Variants in CNTNAP4 observed in about 807,000 individuals in gnomAD.
CNTNAP4 encodes the protein contactin associated protein family member 4.
Under a neutral mutation model 148.4 loss-of-function variants are expected in CNTNAP4, and 98 were observed. That is an observed-to-expected ratio of 0.66 (90% CI 0.56 to 0.78). The LOEUF is 0.78. CNTNAP4 is among the 30% of genes least tolerant of loss of function. The pLI, the probability that CNTNAP4 is intolerant of heterozygous loss-of-function variation, is 0.00. For missense variants in CNTNAP4, 1,935 were observed against 1,565.6 expected (o/e 1.24, Z -3.98); for synonymous variants, 730 against 565.1 (o/e 1.29, Z -4.14).
intron 2 of CNTNAP4, among the ~76,000 whole-genome samples, chr16:76,334,675 T>C (rs1963863562): frequency 2.0e-5 from 3 of 152,126 alleles, no homozygotes; most frequent in African/African-American, 7.2e-5. Context: ...AATGTTATCC[T>C]TTGGGAAAAA....
Position 76,420,507 on chromosome 16 carries a change from T to C in CNTNAP4, c.391-6945T>C, listed in dbSNP as rs1361009272. On this transcript the variant is annotated intron_variant, in intron 3 of 23. Coordinates refer to ENST00000611870, the MANE Select transcript of CNTNAP4 (RefSeq NM_033401.5). The stretch of plus-strand genomic sequence containing the variant: ...GGAAAGATGGGAAGTTTACCTTTAA[T>C]CTCCGTGCGGGGCTGTCCCATCTCT... 2.6e-5 allele frequency among the ~76,000 whole-genome samples: 4 copies of C among 152,072 alleles called. No individual in the cohort carries two copies. In the East Asian group the frequency reaches 5.8e-4, roughly 22 times the overall value.
chr16:76,542,188 G>A (rs1398955985), intron 21 of CNTNAP4, among the ~76,000 whole-genome samples: 1 of 152,124 alleles, frequency 6.6e-6, no homozygotes, highest in African/African-American at 2.4e-5. Context: ...AAAAACAAAA[G>A]AGAATATATT....
chr16:76,346,325 G>T (rs376859799), intron 2 of CNTNAP4, among the ~76,000 whole-genome samples: 1 of 148,616 alleles, frequency 6.7e-6, no homozygotes, highest in Admixed American at 7.0e-5. Flanking sequence ...AAGTGGAAAT[G>T]ATGTCTGTTG....
Position 76,521,143 on chromosome 16 carries a change from C to T in CNTNAP4, c.2369C>T (p.Ser790Leu). Residue 790 changes from serine (S) to leucine (L), a missense_variant, in exon 16 of 24, where the codon TCA becomes TTA. Coordinates refer to ENST00000611870, the MANE Select transcript of CNTNAP4 (RefSeq NM_033401.5). ...LGPLLCQGDRSFWNSASFDTE... is the reference protein window; with the variant it reads ...LGPLLCQGDRLFWNSASFDTE... ...CTTTTTTTTTTTCACAAAACAGGAT[C>T]ATTTTGGAATTCAGCTTCCTTTGAT... The T allele has an allele frequency of 6.4e-7, 1 of 1,554,360 alleles. No homozygotes were observed. Among genetic ancestry groups the T allele is most frequent in the Non-Finnish European group, 8.6e-7 (1 of 1,158,006 alleles).
At chr16:76,400,718 T>C (rs2078378643) in intron 3 of CNTNAP4, among the ~76,000 whole-genome samples, 1 of 152,194 alleles carries the variant, frequency 6.6e-6, no homozygotes, top group African/African-American at 2.4e-5. Flanking sequence ...CTTTTGTATA[T>C]GGTGTAAGGA....
At chr16:76,403,067 T>C (rs1019465492) in intron 3 of CNTNAP4, among the ~76,000 whole-genome samples, 2 of 151,906 alleles carry the variant, frequency 1.3e-5, no homozygotes, top group African/African-American at 2.4e-5. Context: ...GAAAAGGACA[T>C]GAACACTGTT....
intron 18 of CNTNAP4, among the ~76,000 whole-genome samples, chr16:76,537,322 G>A (rs1306007616): frequency 1.3e-5 from 2 of 152,144 alleles, no homozygotes; most frequent in Non-Finnish European, 2.9e-5. Context: ...GATCCAGTAA[G>A]TATCATCTAC....
chr16:76,326,932 T>C (rs1006977817), intron 2 of CNTNAP4, among the ~76,000 whole-genome samples: 2 of 150,936 alleles, frequency 1.3e-5, no homozygotes, highest in Non-Finnish European at 3.0e-5. Flanking sequence ...ACATGTACCC[T>C]AAAACTTAAA....
chr16:76,303,189 T>C (rs1297156420), intron 1 of CNTNAP4, among the ~76,000 whole-genome samples: 2 of 152,202 alleles, frequency 1.3e-5, no homozygotes, highest in Admixed American at 1.3e-4. Context: ...GCTTATTGTT[T>C]CTAGTTGGCT....
chr16:76,360,673 T>A (rs1198636417), intron 3 of CNTNAP4, among the ~76,000 whole-genome samples: 1 of 152,228 alleles, frequency 6.6e-6, no homozygotes, highest in Non-Finnish European at 1.5e-5. Flanking sequence ...TTCAAGAGAC[T>A]GATCCAAAAC....
At chr16:76,506,237 G>T (rs1179180201) in intron 15 of CNTNAP4, among the ~76,000 whole-genome samples, 1 of 95,700 alleles carries the variant, frequency 1.0e-5, no homozygotes, top group African/African-American at 2.6e-5. Context: ...TAGACCAACA[G>T]TTCCTCCACT....
intron 3 of CNTNAP4, among the ~76,000 whole-genome samples, chr16:76,390,609 C>A (rs1334549144): frequency 6.6e-6 from 1 of 151,362 alleles, no homozygotes; most frequent in African/African-American, 2.4e-5. Context: ...TTTAAGCAGG[C>A]ATTATTCCTT....
At chr16:76,470,935 C>A (rs2081347103) in intron 10 of CNTNAP4, among the ~76,000 whole-genome samples, 1 of 152,130 alleles carries the variant, frequency 6.6e-6, no homozygotes, top group Non-Finnish European at 1.5e-5. Context: ...AAGCTCCTTA[C>A]ACTTTCACAC....
chr16:76,448,769 G>A lies in CNTNAP4; in HGVS notation c.745G>A (p.Glu249Lys). ...ARLFLLINSG[E>K]AKLPSTSTLV... is the part of the protein sequence containing the mutation. The stretch of plus-strand genomic sequence containing the variant: ...TGTTATTTTTCTCCTCTTCTAAGGT[G>A]AAGCTAAACTGCCTTCCACTTCCAC... Residue 249 changes from glutamate to lysine, a missense_variant and splice_region_variant, in exon 6 of 24, where the codon GAA becomes AAA. By Grantham distance (56) the Glu-to-Lys change is moderately conservative. Coordinates refer to ENST00000611870, the MANE Select transcript of CNTNAP4 (RefSeq NM_033401.5). The A allele has an allele frequency of 6.2e-7, 1 of 1,600,294 alleles. No individual in the cohort carries two copies. The highest frequency in any genetic ancestry group is 8.5e-7 in the Non-Finnish European group (1 of 1,173,322).
At chr16:76,523,868 T>C (rs1028156214) in intron 17 of CNTNAP4, among the ~76,000 whole-genome samples, 2 of 152,176 alleles carry the variant, frequency 1.3e-5, no homozygotes, top group Non-Finnish European at 2.9e-5. Context: ...AATTGGAGGC[T>C]GTGGTGAACT....
rs75085167 is a variant in CNTNAP4 at position 76,430,663 on chromosome 16, C to A, written c.538+3064C>A. 5.7e-3 allele frequency among the ~76,000 whole-genome samples: 862 copies of A among 152,270 alleles called. 10 individuals carry two copies. Among genetic ancestry groups the A allele is most frequent in the African/African-American group, 0.02 (827 of 41,560 alleles). On this transcript the variant is annotated intron_variant, in intron 4 of 23. Transcript: ENST00000611870. ...GCCTGAAGGATTGCATGCAACTGGCCATCCTCCCCTGTCTGTGCCTCCTCA... is the reference window on the plus strand; with the variant it reads ...GCCTGAAGGATTGCATGCAACTGGCAATCCTCCCCTGTCTGTGCCTCCTCA...
chr16:76,335,735 A>C (rs372811648), intron 2 of CNTNAP4, among the ~76,000 whole-genome samples: 1 of 152,288 alleles, frequency 6.6e-6, no homozygotes, highest in East Asian at 1.9e-4. Flanking sequence ...GGAGATTGCC[A>C]TGTGACAAGA....
chr16:76,452,541 T>G lies in CNTNAP4; in HGVS notation c.1105T>G (p.Ser369Ala). The G allele has an allele frequency of 6.2e-7, 1 of 1,614,018 alleles. No individual in the cohort carries two copies. The highest frequency in any genetic ancestry group is 1.1e-5 in the South Asian group (1 of 91,084). The change falls in exon 8 of 24, where the codon TCT becomes GCT. Residue 369 changes from serine to alanine, a missense_variant. Physicochemically the swap from Ser to Ala is moderately conservative, Grantham distance 99. Transcript: ENST00000611870. ...NVSFSCSQPQ[S>A]MPVTFLSSRS... ...GTCATTTTCTTGTTCACAACCACAATCTATGCCCGTGACTTTTCTGAGCTC... is the reference window on the plus strand; with the variant it reads ...GTCATTTTCTTGTTCACAACCACAAGCTATGCCCGTGACTTTTCTGAGCTC...
intron 2 of CNTNAP4, among the ~76,000 whole-genome samples, chr16:76,337,996 C>T (rs1227649837): frequency 6.6e-6 from 1 of 152,156 alleles, no homozygotes; most frequent in Non-Finnish European, 1.5e-5. Flanking sequence ...TTCAAACACA[C>T]ATGTTTTACA....
Sources: allele counts gnomAD v4.1 joint callset (sites outside exome capture counted in the v4.1 genomes callset), GRCh38; gene constraint gnomAD v4.1.1; transcripts MANE v1.5; gene names NCBI Gene and HGNC (gene_info 2026-07-23, HGNC 2026-07-21).